Variants in SUGCT observed in about 807,000 individuals in gnomAD.
SUGCT encodes the protein succinyl-CoA:glutarate CoA-transferase.
SUGCT carries 41 observed loss-of-function variants against 55.0 expected under a neutral mutation model. The observed-to-expected ratio is 0.74, with a 90% confidence interval of 0.58 to 0.97. SUGCT has a LOEUF of 0.97. SUGCT is among the 50% of genes least tolerant of loss of function. The pLI, the probability that SUGCT is intolerant of heterozygous loss-of-function variation, is 0.00. For missense variants in SUGCT, 568 were observed against 547.8 expected, an observed-to-expected ratio of 1.04 and a Z score of -0.37; for synonymous variants, 187 against 200.4, an observed-to-expected ratio of 0.93 and a Z score of 0.56.
At chr7:40,373,515 G>A (rs1033506687) in intron 9 of SUGCT, among the ~76,000 whole-genome samples, 1 of 151,846 alleles carries the variant, frequency 6.6e-6, no homozygotes, top group Admixed American at 6.6e-5. Flanking sequence ...TGACATGTGA[G>A]TATTTTCAAT....
the SUGCT span, among the ~76,000 whole-genome samples, chr7:40,884,907 G>A: frequency 1.8e-4 from 28 of 152,280 alleles, no homozygotes; most frequent in Admixed American, 3.3e-4. Flanking sequence ...GTGGTTAAGA[G>A]CAGAGCCTTG....
chr7:40,909,599 C>T, the SUGCT span, among the ~76,000 whole-genome samples: 2 of 152,176 alleles, frequency 1.3e-5, no homozygotes, highest in South Asian at 4.1e-4. Context: ...TTGGAGTTCT[C>T]CTTCACTAAC....
At chr7:41,021,034 T>C in the SUGCT span, among the ~76,000 whole-genome samples, 5 of 152,212 alleles carry the variant, frequency 3.3e-5, no homozygotes, top group Non-Finnish European at 7.3e-5. Flanking sequence ...GAGGCTGGCA[T>C]TGAATTACCC....
the SUGCT span, among the ~76,000 whole-genome samples, chr7:40,874,930 A>G: frequency 6.6e-6 from 1 of 152,234 alleles, no homozygotes; most frequent in Non-Finnish European, 1.5e-5. Context: ...TGCTCCATGG[A>G]AAGTATCAGT....
chr7:41,020,096 G>A, the SUGCT span, among the ~76,000 whole-genome samples: 5 of 152,148 alleles, frequency 3.3e-5, no homozygotes, highest in Admixed American at 2.0e-4. Flanking sequence ...GGGATTGAAT[G>A]CATTGTAAAT....
At chr7:40,290,407 G>A (rs1793666818) in intron 8 of SUGCT, among the ~76,000 whole-genome samples, 1 of 152,160 alleles carries the variant, frequency 6.6e-6, no homozygotes, top group South Asian at 2.1e-4. Context: ...CTTTGGGAAA[G>A]GATTCTCTAT....
chr7:40,830,547 AG>A (rs1255583811), intron 13 of SUGCT, among the ~76,000 whole-genome samples: 1 of 152,082 alleles, frequency 6.6e-6, no homozygotes, highest in Non-Finnish European at 1.5e-5. Flanking sequence ...CTCCTCACTG[AG>A]GTCTCTGCTC....
At chr7:40,273,892 C>A (rs762315315) in intron 7 of SUGCT, among the ~76,000 whole-genome samples, 4 of 152,068 alleles carry the variant, frequency 2.6e-5, no homozygotes, top group Non-Finnish European at 5.9e-5. Context: ...GCCCAGTGCT[C>A]CATGTCCCAT....
intron 12 of SUGCT, among the ~76,000 whole-genome samples, chr7:40,615,272 G>T (rs568424311): frequency 9.3e-5 from 14 of 150,742 alleles, no homozygotes; most frequent in Admixed American, 8.6e-4. Context: ...AACAAATGTC[G>T]CAATACAATA....
intron 13 of SUGCT, among the ~76,000 whole-genome samples, chr7:40,805,326 C>G (rs1289614723): frequency 6.6e-6 from 1 of 151,964 alleles, no homozygotes; most frequent in Non-Finnish European, 1.5e-5. Flanking sequence ...CTTATGCATA[C>G]CACCCCAGCC....
chr7:40,593,476 G>T (rs1400801445), intron 12 of SUGCT, among the ~76,000 whole-genome samples: 2 of 152,138 alleles, frequency 1.3e-5, no homozygotes, highest in Non-Finnish European at 2.9e-5. Context: ...AGTGTTTCAT[G>T]AATAAGAAAG....
chr7:40,624,772 A>AACAC (rs71791486), intron 12 of SUGCT, among the ~76,000 whole-genome samples: 5,496 of 137,320 alleles, frequency 0.04, 94 homozygotes, highest in African/African-American at 0.054. Flanking sequence ...TTTCTGTGCA[A>AACAC]ACACACACAC....
chr7:40,205,696 T>C (rs1249321077), intron 6 of SUGCT, among the ~76,000 whole-genome samples: 1 of 150,310 alleles, frequency 6.7e-6, no homozygotes, highest in Non-Finnish European at 1.5e-5. Flanking sequence ...TTAGAAGAGC[T>C]CTGCTGGGTG....
At chr7:41,037,502 C>G in the SUGCT span, among the ~76,000 whole-genome samples, 1 of 147,082 alleles carries the variant, frequency 6.8e-6, no homozygotes, top group African/African-American at 2.6e-5. Context: ...ATGTGCTCAG[C>G]CTTTTTTTTT....
chr7:40,325,406 A>G (rs1211010974), intron 9 of SUGCT, among the ~76,000 whole-genome samples: 1 of 152,186 alleles, frequency 6.6e-6, no homozygotes, highest in Non-Finnish European at 1.5e-5. Flanking sequence ...AACAGTAACA[A>G]TAATCATGAT....
At chr7:40,722,333 G>A (rs527647145) in intron 12 of SUGCT, among the ~76,000 whole-genome samples, 1 of 152,280 alleles carries the variant, frequency 6.6e-6, no homozygotes, top group Admixed American at 6.5e-5. Context: ...GAGTCTCTTG[G>A]CAGAGTCATA....
intron 12 of SUGCT, among the ~76,000 whole-genome samples, chr7:40,560,895 G>A (rs1421218437): frequency 1.3e-5 from 2 of 152,192 alleles, no homozygotes; most frequent in African/African-American, 2.4e-5. Flanking sequence ...GTTTCTTGCT[G>A]TATTAGAGTA....
At chr7:40,981,429 T>C in the SUGCT span, among the ~76,000 whole-genome samples, 1 of 152,210 alleles carries the variant, frequency 6.6e-6, no homozygotes, top group Non-Finnish European at 1.5e-5. Flanking sequence ...TCTGTTAAGA[T>C]GGCTGATTAA....
At chr7:40,701,771 A>G (rs554802579) in intron 12 of SUGCT, among the ~76,000 whole-genome samples, 1 of 152,326 alleles carries the variant, frequency 6.6e-6, no homozygotes, top group Non-Finnish European at 1.5e-5. Context: ...TTCACTGGAA[A>G]GCTCTGTGAA....
Sources: allele counts gnomAD v4.1 joint callset (sites outside exome capture counted in the v4.1 genomes callset), GRCh38; gene constraint gnomAD v4.1.1; transcripts MANE v1.5; gene names NCBI Gene and HGNC (gene_info 2026-07-23, HGNC 2026-07-21).